The following COL6A6 variants were observed in gnomAD, a reference collection of about 807,000 sequenced individuals.
COL6A6 encodes the protein collagen alpha-6(VI) chain.
In COL6A6, 183 loss-of-function variants were observed where a neutral mutation model predicts 208.6. The observed-to-expected ratio is 0.88, with a 90% CI of 0.78 to 0.99. The LOEUF is 0.99. COL6A6 is among the 50% of genes least tolerant of loss of function. COL6A6 has a pLI of 0.00. For synonymous variants in COL6A6, 973 were observed against 1,011.8 expected (o/e 0.96, Z 0.73); for missense variants, 2,816 against 2,815.2 (o/e 1.00, Z -0.01).
chr3:130,622,303 A>G (rs1350601402), intron 24 of COL6A6, among the ~76,000 whole-genome samples: 2 of 149,954 alleles, frequency 1.3e-5, no homozygotes, highest in Non-Finnish European at 2.9e-5. Flanking sequence ...TGGGCTGAAG[A>G]ATCAGCTCCA....
intron 1 of COL6A6, among the ~76,000 whole-genome samples, chr3:130,545,752 C>T (rs1023115657): frequency 2.6e-5 from 4 of 152,130 alleles, no homozygotes; most frequent in South Asian, 2.1e-4. Context: ...CCACTGTGCC[C>T]GGACAGGCTT....
Position 130,644,902 on chromosome 3 carries a change from G to A in COL6A6, c.5228-89G>A, listed in dbSNP as rs2065423822. ...ATTTTTGAGTCATCTACAAAAAGCAGACAGGATAGAACCTTTCTTTCCTGC... is the reference window on the plus strand; with the variant it reads ...ATTTTTGAGTCATCTACAAAAAGCAAACAGGATAGAACCTTTCTTTCCTGC... On this transcript the variant is annotated intron_variant, in intron 31 of 36. Transcript: ENST00000358511. 3.3e-6 allele frequency: 4 copies of A among 1,220,152 alleles called. No individual in the cohort carries two copies. The East Asian group carries it at 9.3e-5, about 29-fold the overall frequency. 75.6% of individuals were successfully genotyped at this position (1,220,152 alleles called of 1,614,324 possible). A position where few individuals can be genotyped will look rare whatever the true frequency, so the allele number is the denominator to read the frequency against.
chr3:130,540,090 T>C (rs1483165194), intron 1 of COL6A6, among the ~76,000 whole-genome samples: 1 of 152,214 alleles, frequency 6.6e-6, no homozygotes, highest in South Asian at 2.1e-4. Flanking sequence ...ATAACATATC[T>C]ACAATGAGTT....
intron 1 of COL6A6, among the ~76,000 whole-genome samples, chr3:130,554,265 T>G (rs1461469834): frequency 6.6e-6 from 1 of 152,200 alleles, no homozygotes; most frequent in Admixed American, 6.5e-5. Flanking sequence ...TTCATAATAG[T>G]GGCAGCACAA....
At chr3:130,642,188 C>T (rs1406743902) in intron 29 of COL6A6, among the ~76,000 whole-genome samples, 9 of 151,710 alleles carry the variant, frequency 5.9e-5, no homozygotes, top group Admixed American at 5.3e-4. Context: ...GGATTGAACA[C>T]ATAAGATTAA....
intron 1 of COL6A6, among the ~76,000 whole-genome samples, chr3:130,520,767 G>A (rs1287652390): frequency 6.6e-6 from 1 of 152,136 alleles, no homozygotes; most frequent in Admixed American, 6.5e-5. Context: ...TATCATCTTT[G>A]TGTCTCTACT....
At chr3:130,581,297 A>T (rs756266330) in intron 8 of COL6A6, among the ~76,000 whole-genome samples, 1 of 152,214 alleles carries the variant, frequency 6.6e-6, no homozygotes, top group Non-Finnish European at 1.5e-5. Flanking sequence ...TGACTTTTTC[A>T]ATAGCTAAAA....
intron 31 of COL6A6, 24 bp from the exon 32 acceptor site, chr3:130,644,967 A>G (rs778992774): frequency 8.1e-6 from 13 of 1,608,040 alleles, no homozygotes; most frequent in African/African-American, 4.0e-5. Context: ...TAATAATCCA[A>G]TCTCCTTTGT....
intron 32 of COL6A6, among the ~76,000 whole-genome samples, chr3:130,648,755 C>G (rs2065533344): frequency 6.6e-6 from 1 of 152,166 alleles, no homozygotes; most frequent in Non-Finnish European, 1.5e-5. Flanking sequence ...GATCGAGTCT[C>G]TGCAGGTGAA....
At chr3:130,545,771 A>G (rs577122234) in intron 1 of COL6A6, among the ~76,000 whole-genome samples, 16 of 151,984 alleles carry the variant, frequency 1.1e-4, no homozygotes, top group African/African-American at 3.9e-4. Context: ...TTTTTTCTTT[A>G]TCTCTGATTG....
chr3:130,572,238 A>C (rs1035202316), intron 7 of COL6A6, among the ~76,000 whole-genome samples: 3 of 152,190 alleles, frequency 2.0e-5, no homozygotes, highest in Admixed American at 1.3e-4. Context: ...TCCAGGACAG[A>C]GCATAGTGGG....
At chr3:130,572,125 T>C (rs1234287787) in intron 7 of COL6A6, among the ~76,000 whole-genome samples, 2 of 152,206 alleles carry the variant, frequency 1.3e-5, no homozygotes, top group Admixed American at 6.5e-5. Context: ...CTTCTTTCCT[T>C]CAGGCTAGAA....
chr3:130,619,263 A>G (rs1365646069), intron 23 of COL6A6, among the ~76,000 whole-genome samples: 1 of 152,198 alleles, frequency 6.6e-6, no homozygotes, highest in Admixed American at 6.5e-5. Flanking sequence ...ACAGCTAGGA[A>G]GTTTGAGTAT....
At chr3:130,621,580 GA>G (rs1378305399) in intron 23 of COL6A6, among the ~76,000 whole-genome samples, 1 of 152,180 alleles carries the variant, frequency 6.6e-6, no homozygotes, top group Non-Finnish European at 1.5e-5. Context: ...AATCACTTTG[GA>G]AGAGAAAACT....
At chr3:130,547,092 C>T (rs111502618) in intron 1 of COL6A6, among the ~76,000 whole-genome samples, 1,635 of 152,366 alleles carry the variant, frequency 0.011, 36 homozygotes, top group African/African-American at 0.037. Context: ...GCGGTTGATG[C>T]GACCTGGCGC....
intron 27 of COL6A6, 131 bp from the exon 28 acceptor site, chr3:130,635,568 C>G (rs2065087423): frequency 3.2e-6 from 2 of 633,806 alleles, no homozygotes; most frequent in African/African-American, 3.7e-5. Context: ...CACACTCACA[C>G]TCTTCAAAGA....
chr3:130,543,741 CTGT>C (rs2062428593), intron 1 of COL6A6, among the ~76,000 whole-genome samples: 2 of 152,244 alleles, frequency 1.3e-5, no homozygotes, highest in East Asian at 1.9e-4. Flanking sequence ...CTATTTTCAT[CTGT>C]TGTCTGTTAG....
In COL6A6 at chr3:130,639,661, G is replaced by A. The variant is rs74910800; in HGVS notation, c.5092-1991G>A. On this transcript the variant is annotated intron_variant, in intron 28 of 36. Transcript: ENST00000358511. ...GAGCTAAGATTGCACTACTGCATTC[G>A]AGCCTGGGTGAGACTGAGATCCTGT... Among the ~76,000 whole-genome samples the A allele has an allele frequency of 6.5e-3, 953 of 147,160 alleles. 9 individuals are homozygous for A. Among genetic ancestry groups the A allele is most frequent in the East Asian group, 0.047 (237 of 5,002 alleles).
intron 20 of COL6A6, among the ~76,000 whole-genome samples, chr3:130,603,703 G>T (rs2064093622): frequency 6.6e-6 from 1 of 152,086 alleles, no homozygotes. Flanking sequence ...ATCCCTCTTG[G>T]CACTCATTTA....
Sources: gnomAD v4.1 joint callset for allele counts (sites outside exome capture counted in the v4.1 genomes callset) on GRCh38, gnomAD v4.1.1 for gene constraint, MANE v1.5 for transcripts, NCBI Gene and HGNC (gene_info 2026-07-23, HGNC 2026-07-21) for gene names.